ANGPT4: variants seen among roughly 807,000 people sequenced by gnomAD.
ANGPT4 encodes angiopoietin-4.
In ANGPT4, 50 loss-of-function variants were observed where a neutral mutation model predicts 53.0. That is an observed-to-expected ratio of 0.94 (90% CI 0.75 to 1.20). The LOEUF (loss-of-function observed/expected upper bound fraction) is 1.20. ANGPT4 is among the 50% of genes most tolerant of loss of function. ANGPT4 has a pLI of 0.00. For missense variants in ANGPT4, 648 were observed against 637.1 expected (o/e 1.02, Z -0.18); for synonymous variants, 251 against 259.7 (o/e 0.97, Z 0.32).
At position 916,258 on chromosome 20, in the gene ANGPT4, G is replaced by A; in HGVS notation, c.-44C>T. 1 of 1,572,582 alleles carries A rather than the reference G, an allele frequency of 6.4e-7. No homozygotes were observed. The highest frequency in any genetic ancestry group is 8.7e-7 in the Non-Finnish European group (1 of 1,154,816). On this transcript the variant is annotated 5_prime_UTR_variant, in exon 1 of 9. Coordinates refer to ENST00000381922, the MANE Select transcript of ANGPT4 (RefSeq NM_015985.4). ...CGAGGGATGTCTGCTCAGAGCCCTA[G>A]GGGCTGTGCCTGGGATGTCCTGCTG...
rs1982675315 is a variant in ANGPT4, at chr20:911,056, T to C, written c.309+4850A>G. On this transcript the variant is annotated intron_variant, in intron 1 of 8. Transcript: ENST00000381922. This position sits in a 1 kb window ranked among gnomAD's most constrained non-coding sequence, Gnocchi z 4.9. The stretch of plus-strand genomic sequence containing the variant: ...GAGACTCATTTCTTGTTTGGATAAC[T>C]GAAGGCTGAAAATGCCAAGAATTTG... Among the ~76,000 whole-genome samples the C allele has an allele frequency of 6.6e-6, 1 of 152,004 alleles. No individual in the cohort carries two copies. Among genetic ancestry groups the C allele is most frequent in the East Asian group, 1.9e-4 (1 of 5,162 alleles).
Position 872,976 on chromosome 20 carries a change from C to G in ANGPT4, c.1496G>C (p.Arg499Pro). 1 of 1,613,984 alleles carries G rather than the reference C, an allele frequency of 6.2e-7. No individual in the cohort carries two copies. The highest frequency in any genetic ancestry group is 8.5e-7 in the Non-Finnish European group (1 of 1,180,006). The change falls in exon 9 of 9, where the codon CGG (arginine) becomes CCG (proline). Residue 499 changes from arginine to proline, a missense_variant. Physicochemically the swap from Arg to Pro is moderately radical, Grantham distance 103. Transcript: ENST00000381922. ...AGCTGCTCGTTAGATGTCCAAAGGCCGTATCATCATGCGAGAGGCACGCAG... is the reference window on the plus strand; with the variant it reads ...AGCTGCTCGTTAGATGTCCAAAGGCGGTATCATCATGCGAGAGGCACGCAG... ...YSLRASRMMI[R>P]PLDI is the part of the protein sequence containing the mutation.
intron 1 of ANGPT4, among the ~76,000 whole-genome samples, chr20:894,722 T>C (rs1740967576): frequency 6.6e-6 from 1 of 152,196 alleles, no homozygotes; most frequent in Non-Finnish European, 1.5e-5. Context: ...GGTGAGACTT[T>C]CCCAGGCATC....
intron 4 of ANGPT4, among the ~76,000 whole-genome samples, chr20:883,699 G>T (rs1168659373): frequency 6.6e-6 from 1 of 152,206 alleles, no homozygotes; most frequent in Non-Finnish European, 1.5e-5. Context: ...CTACTCAGAC[G>T]ATTGAGCAGA....
At chr20:909,906 C>T (rs1332051592) in intron 1 of ANGPT4, among the ~76,000 whole-genome samples, 1 of 152,194 alleles carries the variant, frequency 6.6e-6, no homozygotes, top group Non-Finnish European at 1.5e-5. Flanking sequence ...CTGCCTGAGG[C>T]CCTACCTGAA....
chr20:905,603 G>T (rs1279516030), intron 1 of ANGPT4, among the ~76,000 whole-genome samples: 1 of 152,148 alleles, frequency 6.6e-6, no homozygotes, highest in Non-Finnish European at 1.5e-5. Flanking sequence ...CAGGAAGGAG[G>T]GTTCCCAGGA....
At chr20:901,778 G>C (rs936295903) in intron 1 of ANGPT4, among the ~76,000 whole-genome samples, 1 of 152,192 alleles carries the variant, frequency 6.6e-6, no homozygotes, top group African/African-American at 2.4e-5. Flanking sequence ...AGCTGAAGGT[G>C]GTGGTGCATG....
intron 1 of ANGPT4, among the ~76,000 whole-genome samples, chr20:895,372 C>T (rs1394962361): frequency 1.3e-5 from 2 of 152,206 alleles, no homozygotes; most frequent in Non-Finnish European, 2.9e-5. Context: ...GCCCCATCCC[C>T]TTGGCCCTGG....
chr20:907,211 G>T (rs932737302), intron 1 of ANGPT4, among the ~76,000 whole-genome samples: 1 of 152,224 alleles, frequency 6.6e-6, no homozygotes, highest in Non-Finnish European at 1.5e-5. Context: ...GCACACAGTA[G>T]TGCCTCCCAT....
chr20:902,159 C>T (rs1030030574), intron 1 of ANGPT4, among the ~76,000 whole-genome samples: 5 of 151,942 alleles, frequency 3.3e-5, no homozygotes, highest in African/African-American at 4.8e-5. Context: ...ATGGTGATGG[C>T]GTTTTCTTTT....
rs1309980949 is a variant in ANGPT4 at position 915,515 on chromosome 20, G to A, written c.309+391C>T. ...ATCTGACCTCAAGCAGCCACCCAGG[G>A]CCGCCACTTGCCCTCTTTCTTCTTC... On this transcript the variant is annotated intron_variant, in intron 1 of 8. Transcript: ENST00000381922. 2.0e-5 allele frequency among the ~76,000 whole-genome samples: 3 copies of A among 152,156 alleles called. No individual in the cohort carries two copies. In the East Asian group the frequency reaches 5.8e-4, roughly 29 times the overall value.
rs143189522 is a variant in ANGPT4 at position 915,224 on chromosome 20, G to GCC, written c.309+680_309+681dup. Reference sequence around the variant, plus strand: ...AACAAAAGCTGAAGTCCTTCCAGTGGCCCCCCCCCCAGCTGCATGGCCTGC... The same window carrying GCC: ...AACAAAAGCTGAAGTCCTTCCAGTGGCCCCCCCCCCCCAGCTGCATGGCCTGC... On this transcript the variant is annotated intron_variant, in intron 1 of 8. Coordinates refer to ENST00000381922, the MANE Select transcript of ANGPT4 (RefSeq NM_015985.4). Among the ~76,000 whole-genome samples the GCC allele has an allele frequency of 6.5e-3, 945 of 145,570 alleles. 8 individuals are homozygous for GCC. Among genetic ancestry groups the GCC allele is most frequent in the African/African-American group, 7.7e-3 (299 of 39,080 alleles).
intron 1 of ANGPT4, 78 bp downstream of exon 1, chr20:915,828 G>C: frequency 6.7e-7 from 1 of 1,483,578 alleles, no homozygotes; most frequent in Non-Finnish European, 9.0e-7. Flanking sequence ...AAGGCCTCTT[G>C]GATGGACACT....
chr20:881,371 C>T (rs1981400222), intron 4 of ANGPT4, 85 bp from the exon 5 acceptor site: 2 of 1,273,394 alleles, frequency 1.6e-6, no homozygotes, highest in African/African-American at 1.5e-5. Flanking sequence ...CTGCTTTGTG[C>T]CAGGTTCTGG....
chr20:902,115 G>A (rs1014683335), intron 1 of ANGPT4, among the ~76,000 whole-genome samples: 1 of 152,112 alleles, frequency 6.6e-6, no homozygotes, highest in Non-Finnish European at 1.5e-5. Context: ...TAACAGTAGC[G>A]ATTTGCTTCA....
chr20:876,681 G>C (rs1045034896), intron 7 of ANGPT4, among the ~76,000 whole-genome samples: 1 of 152,278 alleles, frequency 6.6e-6, no homozygotes, highest in East Asian at 1.9e-4. Context: ...GGATGGAGTC[G>C]GGATTTAAGC....
Position 878,315 on chromosome 20 carries a change from G to T in ANGPT4, c.1066C>A (p.Pro356Thr). The change falls in exon 7 of 9, where the codon CCA (proline) becomes ACA (threonine). Residue 356 changes from proline (P) to threonine (T), a missense_variant. By Grantham distance (38) the Pro-to-Thr change is conservative. Coordinates refer to ENST00000381922, the MANE Select transcript of ANGPT4 (RefSeq NM_015985.4). ...TTGCCCAGCCAGTGCTCCCCAGCTG[G>T]GTCTCCGAAGCCCTATAGGGAGGGG... ...WKDYKQGFGD[P>T]AGEHWLGNEV... is the part of the protein sequence containing the mutation. The T allele has an allele frequency of 6.2e-7, 1 of 1,605,530 alleles. No homozygotes were observed. Among genetic ancestry groups the T allele is most frequent in the East Asian group, 2.2e-5 (1 of 44,632 alleles).
chr20:893,052 AGTCCTGGGTCCTT>A (rs1033269822), intron 1 of ANGPT4, among the ~76,000 whole-genome samples: 2 of 152,214 alleles, frequency 1.3e-5, no homozygotes, highest in African/African-American at 4.8e-5. Context: ...CCCATGGCCC[AGTCCTGGGTCCTT>A]GTCTCTATGT....
rs143396584 is a variant in ANGPT4 at position 893,632 on chromosome 20, C to G, written c.310-3264G>C. On this transcript the variant is annotated intron_variant, in intron 1 of 8. Transcript: ENST00000381922. ...TTCTCCCCTGCATGTCCCCAACTCG[C>G]CATCTCTGCATGGTTTCCAATGAGC... 1.6e-3 allele frequency among the ~76,000 whole-genome samples: 240 copies of G among 152,212 alleles called. 7 individuals are homozygous for G. In the East Asian group the frequency reaches 0.041, roughly 26 times the overall value.
Sources: allele counts gnomAD v4.1 joint callset (sites outside exome capture counted in the v4.1 genomes callset), GRCh38; gene constraint gnomAD v4.1.1; non-coding constraint Gnocchi (gnomAD v3.1); transcripts MANE v1.5; gene names NCBI Gene and HGNC (gene_info 2026-07-23, HGNC 2026-07-21).